The following EYS variants were observed in gnomAD, a reference collection of about 807,000 sequenced individuals.
EYS encodes protein eyes shut homolog.
A neutral mutation model predicts 282.1 loss-of-function variants in EYS; 250 were observed. That is an observed-to-expected ratio of 0.89 (90% CI 0.80 to 0.98). The LOEUF (loss-of-function observed/expected upper bound fraction) is 0.98. EYS is among the 50% of genes least tolerant of loss of function. EYS has a pLI of 0.00. For synonymous variants in EYS, 1,355 were observed against 1,282.9 expected (o/e 1.06, Z -1.20); for missense variants, 4,016 against 3,709.0 (o/e 1.08, Z -2.15).
chr6:65,086,267 G>A (rs1182037440), intron 12 of EYS, among the ~76,000 whole-genome samples: 2 of 151,844 alleles, frequency 1.3e-5, no homozygotes, highest in Admixed American at 1.3e-4. Context: ...ATTGAGCCGA[G>A]ATTGTGCCAT....
chr6:64,080,557 T>C (rs1367613105), intron 32 of EYS, among the ~76,000 whole-genome samples: 3 of 152,208 alleles, frequency 2.0e-5, no homozygotes, highest in Admixed American at 1.3e-4. Flanking sequence ...GCTCTTTAGT[T>C]TAATTACATC....
chr6:64,842,143 G>GTT (rs1241172199), intron 19 of EYS, among the ~76,000 whole-genome samples: 10 of 151,918 alleles, frequency 6.6e-5, no homozygotes, highest in African/African-American at 2.4e-4. Context: ...AATAGTGTTG[G>GTT]TTTTACAATT....
intron 31 of EYS, among the ~76,000 whole-genome samples, chr6:64,213,279 A>C (rs1031761540): frequency 7.4e-6 from 1 of 135,906 alleles, no homozygotes; most frequent in South Asian, 2.4e-4. Context: ...TAGCAAATAC[A>C]TATAAAAAAA....
chr6:64,811,696 C>G (rs1045567066), intron 22 of EYS, among the ~76,000 whole-genome samples: 1 of 152,158 alleles, frequency 6.6e-6, no homozygotes, highest in Admixed American at 6.6e-5. Flanking sequence ...TCTGGTCCTT[C>G]TTGCATTCCA....
chr6:64,458,576 T>A (rs980528525), intron 26 of EYS, among the ~76,000 whole-genome samples: 2 of 139,536 alleles, frequency 1.4e-5, no homozygotes, highest in African/African-American at 5.1e-5. Context: ...TTATATTTTA[T>A]TTGCTTCTTT....
At chr6:64,347,999 T>A (rs1771476042) in intron 29 of EYS, among the ~76,000 whole-genome samples, 1 of 151,430 alleles carries the variant, frequency 6.6e-6, no homozygotes, top group African/African-American at 2.4e-5. Flanking sequence ...GATAAATCTT[T>A]TAACATTTTG....
intron 26 of EYS, among the ~76,000 whole-genome samples, chr6:64,455,722 G>A (rs1481899976): frequency 1.3e-5 from 2 of 152,056 alleles, no homozygotes; most frequent in African/African-American, 4.8e-5. Context: ...TTGTGTTCCT[G>A]TGTTATTTTA....
intron 30 of EYS, among the ~76,000 whole-genome samples, chr6:64,253,075 A>G (rs4599616): frequency 0.31 from 47,532 of 151,912 alleles, 7,454 homozygotes; most frequent in East Asian, 0.51. Context: ...GCTTTTAACT[A>G]TATGTGAGGA....
intron 24 of EYS, among the ~76,000 whole-genome samples, chr6:64,608,838 G>T (rs1767017578): frequency 6.6e-6 from 1 of 152,078 alleles, no homozygotes. Flanking sequence ...CAACTATATG[G>T]CATCCTTACA....
intron 11 of EYS, among the ~76,000 whole-genome samples, chr6:65,318,058 G>A (rs1769362507): frequency 6.6e-6 from 1 of 150,950 alleles, no homozygotes; most frequent in African/African-American, 2.4e-5. Flanking sequence ...CAGTAGAGAC[G>A]GGATTTCACC....
rs540046928 is a variant in EYS, at chr6:64,246,283, CT to C, written c.6192-15460del. On this transcript the variant is annotated intron_variant, in intron 30 of 42. Transcript: ENST00000503581. ...AGTAATTTATTTAGAGCTTTTTTCT[CT>C]TTGTTAGCATGAACGTTATATATGT... is the stretch of plus-strand genomic sequence containing the variant. Among the ~76,000 whole-genome samples, 1,451 of 148,862 alleles carry C rather than the reference CT, an allele frequency of 9.7e-3. 26 individuals carry two copies. Among genetic ancestry groups the C allele is most frequent in the African/African-American group, 0.034 (1,366 of 40,440 alleles).
intron 26 of EYS, among the ~76,000 whole-genome samples, chr6:64,549,506 C>G (rs2149804489): frequency 6.6e-6 from 1 of 152,320 alleles, no homozygotes; most frequent in South Asian, 2.1e-4. Context: ...CAATGCTAAT[C>G]AATGATGTGG....
chr6:64,545,439 C>A (rs1764824822), intron 26 of EYS, among the ~76,000 whole-genome samples: 1 of 152,200 alleles, frequency 6.6e-6, no homozygotes, highest in African/African-American at 2.4e-5. Flanking sequence ...AAACTGGAGG[C>A]ATTCCCTTTG....
intron 2 of EYS, among the ~76,000 whole-genome samples, chr6:65,554,197 G>A (rs1768705159): frequency 6.6e-6 from 1 of 152,096 alleles, no homozygotes; most frequent in African/African-American, 2.4e-5. Flanking sequence ...TTGTTTATAA[G>A]CCATCCAGGC....
chr6:65,276,007 A>G (rs988547301), intron 12 of EYS, among the ~76,000 whole-genome samples: 4 of 151,478 alleles, frequency 2.6e-5, no homozygotes, highest in Non-Finnish European at 5.9e-5. Flanking sequence ...AAACAAACAA[A>G]CAAACAAGAA....
intron 22 of EYS, among the ~76,000 whole-genome samples, chr6:64,804,719 T>C (rs1259200783): frequency 6.6e-6 from 1 of 152,182 alleles, no homozygotes; most frequent in African/African-American, 2.4e-5. Flanking sequence ...AAATTATTTC[T>C]GCTTCATCAA....
intron 2 of EYS, among the ~76,000 whole-genome samples, chr6:65,558,866 AG>A (rs1768921669): frequency 6.6e-6 from 1 of 152,200 alleles, no homozygotes; most frequent in South Asian, 2.1e-4. Flanking sequence ...TAACTCCAGA[AG>A]AGTCACAACC....
intron 26 of EYS, among the ~76,000 whole-genome samples, chr6:64,453,566 A>C (rs973622674): frequency 6.6e-6 from 1 of 152,224 alleles, no homozygotes; most frequent in Admixed American, 6.5e-5. Context: ...ATGTATGTTT[A>C]CTGCGGCACT....
intron 31 of EYS, among the ~76,000 whole-genome samples, chr6:64,090,740 T>C (rs1480904921): frequency 6.6e-6 from 1 of 152,158 alleles, no homozygotes; most frequent in East Asian, 1.9e-4. Context: ...GTCATAGTCA[T>C]CCAAACTTCT....
Sources: allele counts gnomAD v4.1 joint callset (sites outside exome capture counted in the v4.1 genomes callset), GRCh38; gene constraint gnomAD v4.1.1; transcripts MANE v1.5; gene names NCBI Gene and HGNC (gene_info 2026-07-23, HGNC 2026-07-21).